Variants in PDE4D observed in about 807,000 individuals in gnomAD.
PDE4D encodes the protein phosphodiesterase 4D, also known as 3',5'-cyclic-AMP phosphodiesterase 4D.
PDE4D carries 24 observed loss-of-function variants against 87.4 expected under a neutral mutation model. The ratio of observed to expected loss-of-function variants is 0.27; its 90% CI spans 0.20 to 0.39. The LOEUF (loss-of-function observed/expected upper bound fraction) is 0.39. PDE4D is among the 10% of genes least tolerant of loss of function. The pLI, the probability that PDE4D is intolerant of heterozygous loss-of-function variation, is 1.00. For missense variants in PDE4D, 714 were observed against 1,041.0 expected, an observed-to-expected ratio of 0.69 and a Z score of 4.32; for synonymous variants, 384 against 383.2, an observed-to-expected ratio of 1.00 and a Z score of -0.02.
At chr5:59,907,426 T>C (rs545318510) in intron 3 of PDE4D, among the ~76,000 whole-genome samples, 1 of 152,074 alleles carries the variant, frequency 6.6e-6, no homozygotes, top group South Asian at 2.1e-4. Flanking sequence ...CTAGGGTCTA[T>C]CTACTTGATG....
chr5:60,164,671 C>G (rs2149469401), intron 2 of PDE4D, among the ~76,000 whole-genome samples: 1 of 152,210 alleles, frequency 6.6e-6, no homozygotes, highest in Non-Finnish European at 1.5e-5. Flanking sequence ...AACTGGCAGT[C>G]AAGGAAAATG....
chr5:60,479,491 G>A (rs554328234), intron 1 of PDE4D, among the ~76,000 whole-genome samples: 1 of 152,296 alleles, frequency 6.6e-6, no homozygotes, highest in African/African-American at 2.4e-5. Context: ...GGGATGTGGT[G>A]CTGCAAATAA....
chr5:60,030,173 G>C (rs1029987996), intron 2 of PDE4D, among the ~76,000 whole-genome samples: 2 of 152,140 alleles, frequency 1.3e-5, no homozygotes, highest in Non-Finnish European at 2.9e-5. Flanking sequence ...GGTTAAGGCC[G>C]GGCGCGGTGG....
intron 6 of PDE4D, among the ~76,000 whole-genome samples, chr5:58,995,058 CA>C (rs1561261973): frequency 6.7e-6 from 1 of 150,106 alleles, no homozygotes; most frequent in Admixed American, 6.6e-5. Context: ...AACAAACAAA[CA>C]AAAAAACAAA....
chr5:60,203,795 T>C (rs1742192586), intron 1 of PDE4D, among the ~76,000 whole-genome samples: 1 of 152,170 alleles, frequency 6.6e-6, no homozygotes, highest in Admixed American at 6.5e-5. Flanking sequence ...GGATGTAATA[T>C]TTATGCCCTA....
intron 1 of PDE4D, among the ~76,000 whole-genome samples, chr5:59,392,997 G>A (rs930226817): frequency 6.6e-6 from 1 of 152,144 alleles, no homozygotes. Context: ...AGAGTTTGAA[G>A]AAAGGATTAA....
At position 59,412,872 on chromosome 5, in the gene PDE4D, T is replaced by C. The variant is rs555277333; in HGVS notation, c.456-196904A>G. Among the ~76,000 whole-genome samples the C allele has an allele frequency of 4.6e-5, 7 of 152,362 alleles. No individual in the cohort carries two copies. The South Asian group carries it at 1.4e-3, about 32-fold the overall frequency. On this transcript the variant is annotated intron_variant, in intron 1 of 14. Transcript: ENST00000340635. ...TATAGGTATAAGGTTAAGCTTAAGA[T>C]GATAATTTATCCGAAGTCTTCTGAA... is the stretch of plus-strand genomic sequence containing the variant.
chr5:59,036,705 A>G (rs1024454739), intron 6 of PDE4D, among the ~76,000 whole-genome samples: 7 of 152,240 alleles, frequency 4.6e-5, no homozygotes, highest in African/African-American at 1.4e-4. Flanking sequence ...TTAGAAATAA[A>G]TAAGTTAAAG....
chr5:59,967,848 G>T (rs1454663225), intron 3 of PDE4D, among the ~76,000 whole-genome samples: 1 of 152,024 alleles, frequency 6.6e-6, no homozygotes, highest in African/African-American at 2.4e-5. Context: ...AATCAACCCA[G>T]GTGCCCATCA....
intron 2 of PDE4D, among the ~76,000 whole-genome samples, chr5:60,048,112 T>C (rs954021072): frequency 2.0e-5 from 3 of 152,064 alleles, no homozygotes; most frequent in Non-Finnish European, 4.4e-5. Context: ...CCCTTTACCA[T>C]TATGTAATGG....
intron 11 of PDE4D, among the ~76,000 whole-genome samples, chr5:58,985,552 A>G (rs567935110): frequency 6.6e-6 from 1 of 152,312 alleles, no homozygotes; most frequent in South Asian, 2.1e-4. Flanking sequence ...TTAAGCTCTC[A>G]GTGCTTCCGT....
chr5:59,994,345 CATAT>C (rs200534526), intron 2 of PDE4D, among the ~76,000 whole-genome samples: 9 of 150,948 alleles, frequency 6.0e-5, no homozygotes, highest in Non-Finnish European at 1.2e-4. Context: ...TGTATACACA[CATAT>C]ATATATACAT....
intron 1 of PDE4D, among the ~76,000 whole-genome samples, chr5:59,392,236 G>C (rs1258726192): frequency 1.3e-5 from 2 of 151,638 alleles, no homozygotes. Flanking sequence ...TCTTAATCTG[G>C]GTGGGCACAA....
intron 1 of PDE4D, among the ~76,000 whole-genome samples, chr5:60,400,323 C>A (rs1740949422): frequency 6.6e-6 from 1 of 151,568 alleles, no homozygotes; most frequent in African/African-American, 2.4e-5. Context: ...GAGATCGAGA[C>A]CATCCTGGCT....
chr5:59,401,472 C>CTATG, intron 1 of PDE4D, among the ~76,000 whole-genome samples: 1 of 146,682 alleles, frequency 6.8e-6, no homozygotes, highest in East Asian at 2.0e-4. Context: ...ATCTATCTAT[C>CTATG]TATCTATCTA....
At chr5:59,025,809 T>C (rs1756108436) in intron 6 of PDE4D, among the ~76,000 whole-genome samples, 1 of 152,250 alleles carries the variant, frequency 6.6e-6, no homozygotes, top group Non-Finnish European at 1.5e-5. Context: ...CATCTTTGCC[T>C]CTTTGCTATG....
At chr5:60,099,748 G>A (rs1386972882) in intron 2 of PDE4D, among the ~76,000 whole-genome samples, 2 of 152,004 alleles carry the variant, frequency 1.3e-5, no homozygotes, top group Non-Finnish European at 2.9e-5. Flanking sequence ...TTGAAAGGAT[G>A]TGTGAAAAAT....
At chr5:59,372,864 CT>C (rs770049952) in intron 1 of PDE4D, among the ~76,000 whole-genome samples, 1 of 152,122 alleles carries the variant, frequency 6.6e-6, no homozygotes, top group Non-Finnish European at 1.5e-5. Flanking sequence ...AAGTTTGGGC[CT>C]CATACAAGTC....
rs528153381 is a variant in PDE4D at position 60,357,014 on chromosome 5, G to A, written c.-90+130928C>T. Among the ~76,000 whole-genome samples, 13 of 152,116 alleles carry A rather than the reference G, an allele frequency of 8.5e-5. 1 individual carries two copies. In the East Asian group the frequency reaches 2.3e-3, roughly 27 times the overall value. ...TCACTGGTGATGTTTTTACAGGTTA[G>A]GGAAAAAATGAGCTTGATAAAGAAA... On this transcript the variant is annotated intron_variant, in intron 1 of 16. Transcript: ENST00000502484.
Sources: allele counts gnomAD v4.1 joint callset (sites outside exome capture counted in the v4.1 genomes callset), GRCh38; gene constraint gnomAD v4.1.1; transcripts MANE v1.5; gene names NCBI Gene and HGNC (gene_info 2026-07-23, HGNC 2026-07-21).